Variants in AGAP1 observed in about 807,000 individuals in gnomAD.
AGAP1 encodes ArfGAP with GTPase domain, ankyrin repeat and PH domain 1.
AGAP1 carries 29 observed loss-of-function variants against 105.3 expected under a neutral mutation model. The ratio of observed to expected loss-of-function variants is 0.28; its 90% confidence interval spans 0.21 to 0.38. The LOEUF is 0.38. AGAP1 is among the 10% of genes least tolerant of loss of function. AGAP1 has a pLI of 1.00. For missense variants in AGAP1, 998 were observed against 1,165.1 expected (o/e 0.86, Z 2.09); for synonymous variants, 509 against 485.9 (o/e 1.05, Z -0.63).
chr2:235,671,644 C>T (rs1312297100), intron 1 of AGAP1, among the ~76,000 whole-genome samples: 1 of 152,204 alleles, frequency 6.6e-6, no homozygotes, highest in Non-Finnish European at 1.5e-5. Context: ...GCCCCTCTCT[C>T]CACAGCTTTC....
intron 9 of AGAP1, among the ~76,000 whole-genome samples, chr2:235,821,994 G>T (rs1958814224): frequency 6.6e-6 from 1 of 152,192 alleles, no homozygotes; most frequent in South Asian, 2.1e-4. Flanking sequence ...CACCCTTCCT[G>T]GTGCTCTGTA....
chr2:235,730,255 G>A (rs1434705994), intron 3 of AGAP1, among the ~76,000 whole-genome samples: 1 of 152,002 alleles, frequency 6.6e-6, no homozygotes. Context: ...GGGACAAGGA[G>A]CCTGTGTGCC....
At chr2:235,852,498 A>G (rs1255331000) in intron 9 of AGAP1, among the ~76,000 whole-genome samples, 1 of 152,248 alleles carries the variant, frequency 6.6e-6, no homozygotes, top group African/African-American at 2.4e-5. Context: ...TTGCGAGTAC[A>G]AATTGAAGCA....
At chr2:235,568,892 A>T (rs1224880822) in intron 1 of AGAP1, among the ~76,000 whole-genome samples, 2 of 151,136 alleles carry the variant, frequency 1.3e-5, no homozygotes, top group African/African-American at 4.9e-5. Flanking sequence ...CTCTATCATC[A>T]TGTTGTCCCC....
chr2:235,585,515 A>G (rs1945079356), intron 1 of AGAP1, among the ~76,000 whole-genome samples: 1 of 152,182 alleles, frequency 6.6e-6, no homozygotes, highest in African/African-American at 2.4e-5. Flanking sequence ...GGTTCCAGGA[A>G]TGAGTCTGTG....
intron 1 of AGAP1, among the ~76,000 whole-genome samples, chr2:235,707,472 ACCCCCC>A (rs1250772330): frequency 1.8e-4 from 4 of 22,408 alleles, no homozygotes; most frequent in Non-Finnish European, 2.7e-4. Context: ...CCTCCCCATG[ACCCCCC>A]CCCCCCCCGC....
intron 9 of AGAP1, among the ~76,000 whole-genome samples, chr2:235,838,860 T>A (rs1432017433): frequency 1.3e-5 from 2 of 152,156 alleles, no homozygotes; most frequent in Non-Finnish European, 2.9e-5. Context: ...TTTTTTTTTT[T>A]AAGAAGCATA....
In AGAP1 at chr2:235,639,823, C is replaced by T. The variant is rs866690166; in HGVS notation, c.164-69356C>T. 2.0e-5 allele frequency among the ~76,000 whole-genome samples: 3 copies of T among 152,168 alleles called. No homozygotes were observed. Among genetic ancestry groups the T allele is most frequent in the Non-Finnish European group, 4.4e-5 (3 of 68,046 alleles). On this transcript the variant is annotated intron_variant, in intron 1 of 17. Coordinates refer to ENST00000304032, the MANE Select transcript of AGAP1 (RefSeq NM_001037131.3). The surrounding 1 kb of genome is among the most constrained non-coding windows in gnomAD (Gnocchi z 5.3). The stretch of plus-strand genomic sequence containing the variant: ...TTTTAAGAGCAGGTTAAACTGTTCT[C>T]GGACTTCTTTTTGGATTATTTGCAA...
Position 236,095,828 on chromosome 2 carries a change from A to G in AGAP1, c.2115-24364A>G. Among the ~76,000 whole-genome samples the G allele has an allele frequency of 6.6e-6, 1 of 152,210 alleles. No individual in the cohort carries two copies. On this transcript the variant is annotated intron_variant, in intron 16 of 17. Coordinates refer to ENST00000304032, the MANE Select transcript of AGAP1 (RefSeq NM_001037131.3). The surrounding 1 kb of genome is among the most constrained non-coding windows in gnomAD (Gnocchi z 4.1). ...TAAGAGCTGGCCAACTTCCACGATC[A>G]TTATATTTTTGAGTTTTGCATCATG...
At chr2:235,947,217 C>T (rs1160658973) in intron 12 of AGAP1, among the ~76,000 whole-genome samples, 1 of 151,958 alleles carries the variant, frequency 6.6e-6, no homozygotes, top group African/African-American at 2.4e-5. Context: ...GTCTTTTATC[C>T]CTCGCCACCG....
At position 235,989,115 on chromosome 2, in the gene AGAP1, A is replaced by T. The variant is rs1353529397; in HGVS notation, c.1645+20492A>T. Among the ~76,000 whole-genome samples the T allele has an allele frequency of 6.6e-6, 1 of 152,174 alleles. No individual in the cohort carries two copies. Among genetic ancestry groups the T allele is most frequent in the Non-Finnish European group, 1.5e-5 (1 of 68,030 alleles). ...CAAATAATAATGTGAGATGAAGATG[A>T]TGATGATGGTTGTTGTTATTTAAAA... On this transcript the variant is annotated intron_variant, in intron 13 of 17. Transcript: ENST00000304032. This position sits in a 1 kb window ranked among gnomAD's most constrained non-coding sequence, Gnocchi z 4.4.
At chr2:235,696,055 AT>A (rs904793315) in intron 1 of AGAP1, among the ~76,000 whole-genome samples, 3 of 151,964 alleles carry the variant, frequency 2.0e-5, no homozygotes, top group African/African-American at 7.2e-5. Context: ...TTTGTTTACC[AT>A]TTTTCTTGAG....
At chr2:235,694,064 C>A (rs1949875146) in intron 1 of AGAP1, among the ~76,000 whole-genome samples, 1 of 152,158 alleles carries the variant, frequency 6.6e-6, no homozygotes, top group African/African-American at 2.4e-5. Flanking sequence ...GGGAAGCTGG[C>A]CAGATGTGGT....
In AGAP1 at chr2:235,958,939, T is replaced by C. The variant is rs1254043940; in HGVS notation, c.1484-9523T>C. Among the ~76,000 whole-genome samples, 4 of 152,234 alleles carry C rather than the reference T, an allele frequency of 2.6e-5. No individual in the cohort carries two copies. In the East Asian group the frequency reaches 7.7e-4, roughly 29 times the overall value. Reference sequence around the variant, plus strand: ...ATTGTGATCATTATTGCTCGTATTATATATTTTTTGGGGTGTGCGTTGAAC... The same window carrying C: ...ATTGTGATCATTATTGCTCGTATTACATATTTTTTGGGGTGTGCGTTGAAC... On this transcript the variant is annotated intron_variant, in intron 12 of 17. Transcript: ENST00000304032. This position sits in a 1 kb window ranked among gnomAD's most constrained non-coding sequence, Gnocchi z 4.1.
chr2:235,782,697 C>G (rs1415831372), intron 6 of AGAP1, among the ~76,000 whole-genome samples: 1 of 152,140 alleles, frequency 6.6e-6, no homozygotes, highest in African/African-American at 2.4e-5. Context: ...AGTGGGAGAA[C>G]GCTGAAGCCC....
In AGAP1 at chr2:236,117,752, T is replaced by C. The variant is rs139203305; in HGVS notation, c.2115-2440T>C. Reference sequence around the variant, plus strand: ...TTTGCTCCTTCTCTTTTGTGATTTATGAAATGCATCAACAAACGTTTAATA... The same window carrying C: ...TTTGCTCCTTCTCTTTTGTGATTTACGAAATGCATCAACAAACGTTTAATA... On this transcript the variant is annotated intron_variant, in intron 16 of 17. Coordinates refer to ENST00000304032, the MANE Select transcript of AGAP1 (RefSeq NM_001037131.3). Among the ~76,000 whole-genome samples the C allele has an allele frequency of 4.5e-3, 693 of 152,376 alleles. 8 individuals are homozygous for C. Among genetic ancestry groups the C allele is most frequent in the African/African-American group, 0.016 (650 of 41,572 alleles).
At chr2:235,944,797 G>C (rs2053414991) in intron 12 of AGAP1, among the ~76,000 whole-genome samples, 1 of 152,126 alleles carries the variant, frequency 6.6e-6, no homozygotes, top group Non-Finnish European at 1.5e-5. Flanking sequence ...AAGACAGGCG[G>C]GTCAGGCCCC....
intron 17 of AGAP1, among the ~76,000 whole-genome samples, chr2:236,122,131 T>C (rs1252434094): frequency 1.3e-5 from 2 of 152,048 alleles, no homozygotes; most frequent in African/African-American, 4.8e-5. Context: ...TTTAAAAAAT[T>C]TTGTAGACTT....
rs2054585964 is a variant in AGAP1, at chr2:235,970,239, C to A, written c.1645+1616C>A. 6.8e-6 allele frequency among the ~76,000 whole-genome samples: 1 copy of A among 147,462 alleles called. No homozygotes were observed. Among genetic ancestry groups the A allele is most frequent in the African/African-American group, 2.5e-5 (1 of 40,114 alleles). Reference sequence around the variant, plus strand: ...AAAAAAAAAAAAAAAGACGATTTTTCTCATGTTGTGGGGAGTGAGGATAAT... The same window carrying A: ...AAAAAAAAAAAAAAAGACGATTTTTATCATGTTGTGGGGAGTGAGGATAAT... On this transcript the variant is annotated intron_variant, in intron 13 of 17. Coordinates refer to ENST00000304032, the MANE Select transcript of AGAP1 (RefSeq NM_001037131.3). This position sits in a 1 kb window ranked among gnomAD's most constrained non-coding sequence, Gnocchi z 5.4.
Sources: gnomAD v4.1 joint callset for allele counts (sites outside exome capture counted in the v4.1 genomes callset) on GRCh38, gnomAD v4.1.1 for gene constraint, Gnocchi (gnomAD v3.1) non-coding constraint, MANE v1.5 for transcripts, NCBI Gene and HGNC (gene_info 2026-07-23, HGNC 2026-07-21) for gene names.